The following ABCC12 variants were observed in gnomAD, a reference collection of about 807,000 sequenced individuals.
ABCC12 encodes the protein ATP-binding cassette sub-family C member 12.
ABCC12 carries 142 observed loss-of-function variants against 151.1 expected under a neutral mutation model. The ratio of observed to expected loss-of-function variants is 0.94; its 90% CI spans 0.82 to 1.08. The LOEUF is 1.08. Ranked by LOEUF, ABCC12 falls within the 50% of genes least tolerant of loss-of-function variation. The probability of loss-of-function intolerance (pLI) is 0.00; values close to 1 mark genes in which losing one functional copy is unlikely to be tolerated. For synonymous variants in ABCC12, 645 were observed against 646.4 expected, an observed-to-expected ratio of 1.00 and a Z score of 0.03; for missense variants, 1,638 against 1,691.1, an observed-to-expected ratio of 0.97 and a Z score of 0.55.
At chr16:48,105,432 G>C in intron 20 of ABCC12, 96 bp from the exon 21 acceptor site, 1 of 1,247,564 alleles carries the variant, frequency 8.0e-7, no homozygotes, top group Non-Finnish European at 1.1e-6. Flanking sequence ...AAGAAACTAA[G>C]AAGAAGCACA....
Position 48,096,886 on chromosome 16 carries a change from TA to T in ABCC12, c.3054del (p.Phe1018LeufsTer10), listed in dbSNP as rs760867676. On this transcript the variant is annotated frameshift_variant, in exon 24 of 31. Transcript: ENST00000311303. LOFTEE classifies it high-confidence loss of function. ...AGCGCAAACCACCTGAGAGCACAGT[TA>T]AAGTAGAGGAGGTGACTGGAGTTTT... ...ESCITYHLLY[F>X]NCALRWFALR... 2.5e-6 allele frequency: 4 copies of T among 1,614,036 alleles called. No individual in the cohort carries two copies. The East Asian group carries it at 8.9e-5, about 36-fold the overall frequency.
chr16:48,121,915 GC>G, intron 12 of ABCC12, 75 bp from the exon 13 acceptor site: 1 of 1,592,856 alleles, frequency 6.3e-7, no homozygotes, highest in Admixed American at 1.7e-5. Flanking sequence ...TTGCACCCTG[GC>G]ACCCACATAT....
rs1304739105 is a variant in ABCC12, at chr16:48,096,905, G to A, written c.3039-3C>T. On this transcript the variant is annotated splice_region_variant and splice_polypyrimidine_tract_variant and intron_variant, in intron 23 of 30. Coordinates refer to ENST00000311303, the MANE Select transcript of ABCC12 (RefSeq NM_001393797.1). ...CACAGTTAAAGTAGAGGAGGTGACT[G>A]GAGTTTTCGTCGTTTAGCGTCTTAA... 6.2e-7 allele frequency: 1 copy of A among 1,614,120 alleles called. No homozygotes were observed. The highest frequency in any genetic ancestry group is 8.5e-7 in the Non-Finnish European group (1 of 1,180,028).
At chr16:48,140,164 T>C (rs1014061038) in intron 6 of ABCC12, among the ~76,000 whole-genome samples, 1 of 152,298 alleles carries the variant, frequency 6.6e-6, no homozygotes, top group African/African-American at 2.4e-5. Context: ...CCACCTGGGG[T>C]TCCCTTGATT....
intron 21 of ABCC12, 97 bp from the exon 22 acceptor site, chr16:48,104,465 C>A: frequency 8.8e-7 from 1 of 1,138,956 alleles, no homozygotes; most frequent in African/African-American, 1.5e-5. Flanking sequence ...AGGGCCTGAC[C>A]TTTTTTCCAG....
chr16:48,111,378 C>T (rs1326441063), intron 18 of ABCC12, 58 bp downstream of exon 18: 26 of 1,571,330 alleles, frequency 1.7e-5, no homozygotes, highest in South Asian at 3.3e-5. Context: ...GTATCCCAAA[C>T]GGTAGATGCC....
chr16:48,101,137 G>T, intron 22 of ABCC12, 128 bp from the exon 23 acceptor site: 1 of 1,144,536 alleles, frequency 8.7e-7, no homozygotes, highest in Non-Finnish European at 1.2e-6. Context: ...ATCTAACTGG[G>T]GATGAAGAGC....
In ABCC12 at chr16:48,153,856, G is replaced by C. The variant is rs1044952413; in HGVS notation, c.-291C>G. 2.0e-5 allele frequency: 3 copies of C among 152,190 alleles called. No homozygotes were observed. The highest frequency in any genetic ancestry group is 7.2e-5 in the African/African-American group (3 of 41,434). 9.4% of individuals were successfully genotyped at this position (152,190 alleles called of 1,614,324 possible). A position where few individuals can be genotyped will look rare whatever the true frequency, so the allele number is the denominator to read the frequency against. On this transcript the variant is annotated 5_prime_UTR_variant, in exon 2 of 31. Coordinates refer to ENST00000311303, the MANE Select transcript of ABCC12 (RefSeq NM_001393797.1). ...GAGGCGGCTTGGAAGCATTGCAGCT[G>C]GAATGGCACTTTGCTAAATTTGGCA...
intron 9 of ABCC12, 108 bp downstream of exon 9, chr16:48,133,579 G>T: frequency 2.3e-6 from 3 of 1,294,500 alleles, no homozygotes; most frequent in Non-Finnish European, 3.2e-6. Flanking sequence ...GGCCTGCCAT[G>T]ATTGGATGTT....
chr16:48,100,819 G>A lies in ABCC12; in HGVS notation c.3038+53C>T, dbSNP rs539878816. The A allele has an allele frequency of 4.0e-5, 63 of 1,589,990 alleles. No individual in the cohort carries two copies. The Middle Eastern group carries it at 5.4e-4, about 14-fold the overall frequency. ...TCCCTCCTCCTGTGCACTCCCCATC[G>A]GAGTCAGGCATGAAGCATGGGGGCC... On this transcript the variant is annotated intron_variant, in intron 23 of 30. Coordinates refer to ENST00000311303, the MANE Select transcript of ABCC12 (RefSeq NM_001393797.1).
Position 48,139,144 on chromosome 16 carries a change from C to G in ABCC12, c.831+19G>C, listed in dbSNP as rs746270054. 7 of 1,567,458 alleles carry G rather than the reference C, an allele frequency of 4.5e-6. No homozygotes were observed. Among genetic ancestry groups the G allele is most frequent in the Admixed American group, 4.0e-5 (2 of 49,674 alleles). On this transcript the variant is annotated intron_variant, in intron 7 of 30. Transcript: ENST00000311303. The stretch of plus-strand genomic sequence containing the variant: ...AATGCAAATACAAAGCAGTTAGAAG[C>G]GCAAAAGCCTGCCGTTACCTGGACG...
At chr16:48,099,760 C>T (rs564213075) in intron 23 of ABCC12, among the ~76,000 whole-genome samples, 1 of 152,158 alleles carries the variant, frequency 6.6e-6, no homozygotes, top group African/African-American at 2.4e-5. Flanking sequence ...ACAGAAGATC[C>T]GAGAGAATAC....
intron 13 of ABCC12, among the ~76,000 whole-genome samples, chr16:48,120,270 G>GTT (rs1964022169): frequency 6.6e-6 from 1 of 152,168 alleles, no homozygotes; most frequent in African/African-American, 2.4e-5. Context: ...TAAACCTTGG[G>GTT]TATGCACAGA....
chr16:48,117,071 C>A (rs1832247485), intron 14 of ABCC12, among the ~76,000 whole-genome samples, 190 bp downstream of exon 14: 1 of 152,232 alleles, frequency 6.6e-6, no homozygotes. Flanking sequence ...AAGCTTGGTG[C>A]CACGTCCACT....
chr16:48,103,526 G>A (rs1963376017), intron 22 of ABCC12, among the ~76,000 whole-genome samples: 1 of 152,206 alleles, frequency 6.6e-6, no homozygotes, highest in Non-Finnish European at 1.5e-5. Flanking sequence ...GAGGTTTGCA[G>A]CACCTCTCTG....
chr16:48,085,559 A>C (rs762927964), intron 29 of ABCC12, 34 bp downstream of exon 29: 2 of 1,599,910 alleles, frequency 1.3e-6, no homozygotes, highest in Non-Finnish European at 8.6e-7. Context: ...GAAATATCCA[A>C]AATTTGACCA....
intron 23 of ABCC12, among the ~76,000 whole-genome samples, chr16:48,099,873 C>T (rs1963242130): frequency 6.6e-6 from 1 of 152,044 alleles, no homozygotes; most frequent in Admixed American, 6.5e-5. Flanking sequence ...TAAATTGTGA[C>T]ATCAGGAAAA....
Position 48,140,825 on chromosome 16 carries a change from C to T in ABCC12, c.519G>A (p.Glu173=), listed in dbSNP as rs1341775760. Reference sequence around the variant, plus strand: ...GGGCCCAAAAGAAGACTTTGGTAAACTCGGTGGCAAAAAGGGCTATGCACA... The same window carrying T: ...GGGCCCAAAAGAAGACTTTGGTAAATTCGGTGGCAAAAAGGGCTATGCACA... ...IGLCIALFAT[E]FTKVFFWALA... Residue 173 remains glutamate, a synonymous_variant, in exon 6 of 31, where the codon GAG becomes GAA. Transcript: ENST00000311303. The T allele has an allele frequency of 1.9e-6, 3 of 1,614,006 alleles. No homozygotes were observed. Among genetic ancestry groups the T allele is most frequent in the Non-Finnish European group, 2.5e-6 (3 of 1,180,026 alleles).
rs1962442885 is a variant in ABCC12 at position 48,083,605 on chromosome 16, A to T, written c.*110T>A. 4 of 1,077,616 alleles carry T rather than the reference A, an allele frequency of 3.7e-6. No individual in the cohort carries two copies. Among genetic ancestry groups the T allele is most frequent in the Non-Finnish European group, 5.5e-6 (4 of 731,598 alleles). The allele number at this position is 1,077,616 out of a possible 1,614,324, so 66.8% of individuals were successfully genotyped here. On this transcript the variant is annotated 3_prime_UTR_variant, in exon 31 of 31. Transcript: ENST00000311303. ...AGCCCCAGCTCACTCCGTGGATGGG[A>T]GGGGCTGAAGACCAGGGCTGCCTGC...
Sources: gnomAD v4.1 joint callset for allele counts (sites outside exome capture counted in the v4.1 genomes callset) on GRCh38, gnomAD v4.1.1 for gene constraint, MANE v1.5 for transcripts, NCBI Gene and HGNC (gene_info 2026-07-23, HGNC 2026-07-21) for gene names.